SAMD5: variants seen among roughly 807,000 people sequenced by gnomAD.
The protein encoded by SAMD5 is sterile alpha motif domain containing 5.
Under a neutral mutation model 11.3 loss-of-function variants are expected in SAMD5, and 13 were observed. That is an observed-to-expected ratio of 1.15 (90% CI 0.75 to 1.83). The LOEUF (loss-of-function observed/expected upper bound fraction) is 1.83, where lower values mean the gene tolerates loss of function less well. Among genes scored for constraint, SAMD5 ranks in the 40% most tolerant of loss-of-function variants. SAMD5 has a pLI of 0.00. For synonymous variants in SAMD5, 129 were observed against 111.3 expected (o/e 1.16, Z -1.00); for missense variants, 255 against 239.1 (o/e 1.07, Z -0.44).
chr6:147,793,063 C>T, the SAMD5 span, among the ~76,000 whole-genome samples: 62 of 152,182 alleles, frequency 4.1e-4, no homozygotes, highest in African/African-American at 1.4e-3. Context: ...GACTTCCTTC[C>T]AAAAAGTGCA....
chr6:147,614,293 C>G lies in SAMD5; in HGVS notation c.162+104906C>G, dbSNP rs1388215334. Among the ~76,000 whole-genome samples, 22 of 151,598 alleles carry G rather than the reference C, an allele frequency of 1.5e-4. No individual in the cohort carries two copies. In the South Asian group the frequency reaches 2.1e-3, roughly 14 times the overall value. On this transcript the variant is annotated intron_variant, in intron 1 of 1. Transcript: ENST00000566741. ...GACCAGCCTAATCAACATGGTGAAA[C>G]CCTGTCTCTACTCAAAATACAAAAA...
the SAMD5 span, among the ~76,000 whole-genome samples, chr6:147,845,230 C>A: frequency 6.6e-6 from 1 of 152,146 alleles, no homozygotes; most frequent in Non-Finnish European, 1.5e-5. Flanking sequence ...TTGCCATAAA[C>A]CTCATACCTT....
chr6:147,541,194 C>G (rs1454490003), intron 1 of SAMD5, among the ~76,000 whole-genome samples: 1 of 152,032 alleles, frequency 6.6e-6, no homozygotes, highest in Non-Finnish European at 1.5e-5. Flanking sequence ...AAGTGATCCG[C>G]CAGCCTCAGT....
At chr6:147,554,414 A>G (rs996197902) in intron 1 of SAMD5, among the ~76,000 whole-genome samples, 1 of 152,186 alleles carries the variant, frequency 6.6e-6, no homozygotes, top group African/African-American at 2.4e-5. Flanking sequence ...CGATTCATCA[A>G]GTGAGGTCGT....
At chr6:147,702,949 A>G (rs1791275015) in intron 1 of SAMD5, among the ~76,000 whole-genome samples, 1 of 152,132 alleles carries the variant, frequency 6.6e-6, no homozygotes, top group African/African-American at 2.4e-5. Flanking sequence ...AATGTCCAGA[A>G]ATTGAAGGTG....
chr6:147,618,614 G>T (rs574638722), intron 1 of SAMD5, among the ~76,000 whole-genome samples: 111 of 152,332 alleles, frequency 7.3e-4, no homozygotes, highest in Middle Eastern at 3.4e-3. Flanking sequence ...ACCGTGTTGT[G>T]AGGAGACGGA....
chr6:147,691,944 T>C (rs1456756711), intron 1 of SAMD5, among the ~76,000 whole-genome samples: 1 of 150,690 alleles, frequency 6.6e-6, no homozygotes. Flanking sequence ...TACAGCCTCA[T>C]TGGCCTTCAG....
At chr6:147,831,667 T>A in the SAMD5 span, among the ~76,000 whole-genome samples, 1 of 152,216 alleles carries the variant, frequency 6.6e-6, no homozygotes, top group Non-Finnish European at 1.5e-5. Flanking sequence ...AGGGGAAAAC[T>A]GGTGGATGTT....
At chr6:147,528,818 G>C (rs1001033534) in intron 1 of SAMD5, among the ~76,000 whole-genome samples, 1 of 152,184 alleles carries the variant, frequency 6.6e-6, no homozygotes, top group African/African-American at 2.4e-5. Context: ...CTTTAAGTAG[G>C]CTTGGAAAAG....
At chr6:147,526,150 A>G (rs1788335530) in intron 1 of SAMD5, among the ~76,000 whole-genome samples, 1 of 152,180 alleles carries the variant, frequency 6.6e-6, no homozygotes, top group African/African-American at 2.4e-5. Context: ...TGCAGAGGGA[A>G]TGGGAGCAGT....
At chr6:147,895,048 G>T in the SAMD5 span, among the ~76,000 whole-genome samples, 1 of 152,302 alleles carries the variant, frequency 6.6e-6, no homozygotes, top group Middle Eastern at 3.4e-3. Flanking sequence ...TACAAAGCTT[G>T]ATTAGTTAAA....
intron 1 of SAMD5, among the ~76,000 whole-genome samples, chr6:147,627,967 T>C (rs1261039947): frequency 2.0e-5 from 3 of 152,252 alleles, no homozygotes; most frequent in African/African-American, 7.2e-5. Flanking sequence ...AAGGCTGTTG[T>C]ATTCCCCTGC....
At chr6:147,860,914 A>G in the SAMD5 span, among the ~76,000 whole-genome samples, 1 of 152,206 alleles carries the variant, frequency 6.6e-6, no homozygotes, top group East Asian at 1.9e-4. Context: ...CTCCATATAC[A>G]ACAATAATGA....
the SAMD5 span, among the ~76,000 whole-genome samples, chr6:147,760,082 G>A: frequency 6.6e-6 from 1 of 151,930 alleles, no homozygotes; most frequent in Non-Finnish European, 1.5e-5. Context: ...GTAAACATAC[G>A]GAATTATAAA....
chr6:147,773,440 T>C, the SAMD5 span, among the ~76,000 whole-genome samples: 2 of 152,154 alleles, frequency 1.3e-5, no homozygotes, highest in Non-Finnish European at 2.9e-5. Context: ...TCATAGTCCA[T>C]CTGGGCTGCT....
the SAMD5 span, among the ~76,000 whole-genome samples, chr6:147,845,879 A>G: frequency 1.3e-5 from 2 of 152,350 alleles, no homozygotes; most frequent in East Asian, 1.9e-4. Flanking sequence ...TTAGGCATTT[A>G]TCTTGGAGAA....
chr6:147,640,998 A>G (rs2128452346), intron 1 of SAMD5, among the ~76,000 whole-genome samples: 1 of 152,364 alleles, frequency 6.6e-6, no homozygotes, highest in African/African-American at 2.4e-5. Flanking sequence ...AAACTTTAAA[A>G]TTGCATAATA....
chr6:147,707,832 G>A (rs367764247), intron 1 of SAMD5, among the ~76,000 whole-genome samples: 15 of 152,096 alleles, frequency 9.9e-5, no homozygotes, highest in African/African-American at 3.4e-4. Flanking sequence ...TTTCTGGATT[G>A]CTTCATCAGT....
chr6:147,621,446 C>T (rs533911096), intron 1 of SAMD5, among the ~76,000 whole-genome samples: 2 of 143,876 alleles, frequency 1.4e-5, no homozygotes, highest in East Asian at 2.1e-4. Context: ...AGCCTGGTAA[C>T]TGGGTGATGC....
Sources: gnomAD v4.1 joint callset for allele counts (sites outside exome capture counted in the v4.1 genomes callset) on GRCh38, gnomAD v4.1.1 for gene constraint, MANE v1.5 for transcripts, NCBI Gene and HGNC (gene_info 2026-07-23, HGNC 2026-07-21) for gene names.